The following YES1 variants were observed in gnomAD, a reference collection of about 807,000 sequenced individuals.
The protein encoded by YES1 is YES proto-oncogene 1, Src family tyrosine kinase, also known as tyrosine-protein kinase Yes.
YES1 carries 39 observed loss-of-function variants against 70.4 expected under a neutral mutation model. The observed-to-expected ratio is 0.55, with a 90% CI of 0.43 to 0.72. The LOEUF (loss-of-function observed/expected upper bound fraction) is 0.72, where lower values mean the gene tolerates loss of function less well. Among genes scored for constraint, YES1 ranks in the 30% least tolerant of loss-of-function variants. YES1 has a pLI of 0.00. For missense variants in YES1, 495 were observed against 644.8 expected (o/e 0.77, Z 2.52); for synonymous variants, 198 against 218.6 (o/e 0.91, Z 0.83).
chr18:737,138 C>T (rs2080163356), intron 9 of YES1, 177 bp from the exon 10 acceptor site: 1 of 585,234 alleles, frequency 1.7e-6, no homozygotes, highest in Non-Finnish European at 2.8e-6. Flanking sequence ...AATAAAAATG[C>T]AGGCTAAATT....
At chr18:783,469 A>T (rs190100985) in intron 1 of YES1, among the ~76,000 whole-genome samples, 7 of 152,174 alleles carry the variant, frequency 4.6e-5, no homozygotes, top group African/African-American at 1.7e-4. Context: ...ATGCAATGTT[A>T]TAACAAAATT....
chr18:757,401 G>A (rs1476711403), intron 1 of YES1, among the ~76,000 whole-genome samples: 2 of 151,954 alleles, frequency 1.3e-5, no homozygotes, highest in African/African-American at 4.8e-5. Context: ...TACTCGGGAG[G>A]CTGAGGCAGG....
intron 1 of YES1, among the ~76,000 whole-genome samples, chr18:772,938 A>T (rs1306642500): frequency 6.6e-6 from 1 of 152,202 alleles, no homozygotes; most frequent in Non-Finnish European, 1.5e-5. Flanking sequence ...AAAATAATAT[A>T]AACTGCTATC....
At chr18:804,069 C>T (rs572059357) in intron 1 of YES1, among the ~76,000 whole-genome samples, 1 of 152,292 alleles carries the variant, frequency 6.6e-6, no homozygotes, top group African/African-American at 2.4e-5. Flanking sequence ...AAAAGGCTAA[C>T]CATTTTCCAA....
In YES1 at chr18:779,133, G is replaced by A. The variant is rs1905528626; in HGVS notation, c.-8-22298C>T. ...AGAATATGTAAGGAATTTTATGGAT[G>A]GGGGCAGTGGCTGATCCCAGCAGTT... is the stretch of plus-strand genomic sequence containing the variant. On this transcript the variant is annotated intron_variant, in intron 1 of 11. Coordinates refer to ENST00000314574, the MANE Select transcript of YES1 (RefSeq NM_005433.4). Among the ~76,000 whole-genome samples the A allele has an allele frequency of 2.0e-5, 3 of 152,130 alleles. No individual in the cohort carries two copies. The South Asian group carries it at 6.2e-4, about 32-fold the overall frequency.
intron 1 of YES1, among the ~76,000 whole-genome samples, chr18:774,119 C>T (rs901336590): frequency 4.6e-5 from 7 of 152,188 alleles, no homozygotes; most frequent in South Asian, 4.1e-4. Flanking sequence ...GCTTAAGCCA[C>T]GGCGCCTGGC....
At position 722,219 on chromosome 18, in the gene YES1, A is replaced by C. The variant is rs769045258; in HGVS notation, c.*2205T>G. The C allele has an allele frequency of 6.6e-6, 1 of 152,652 alleles. No individual in the cohort carries two copies. The highest frequency in any genetic ancestry group is 1.5e-5 in the Non-Finnish European group (1 of 68,038). The allele number at this position is 152,652 out of a possible 1,614,324, so 9.5% of individuals were successfully genotyped here. A position where few individuals can be genotyped will look rare whatever the true frequency, so the allele number is the denominator to read the frequency against. On this transcript the variant is annotated 3_prime_UTR_variant, in exon 12 of 12. Transcript: ENST00000314574. Reference sequence around the variant, plus strand: ...AGCCCTTAAAAAATCTCATGTCACAAGTTGTTGATAAGAGGAAATAATGAC... The same window carrying C: ...AGCCCTTAAAAAATCTCATGTCACACGTTGTTGATAAGAGGAAATAATGAC...
At position 739,829 on chromosome 18, in the gene YES1, A is replaced by C; in HGVS notation, c.1061-18T>G. 1 of 1,590,066 alleles carries C rather than the reference A, an allele frequency of 6.3e-7. No individual in the cohort carries two copies. Among genetic ancestry groups the C allele is most frequent in the Non-Finnish European group, 8.6e-7 (1 of 1,165,922 alleles). On this transcript the variant is annotated intron_variant, in intron 8 of 11. Transcript: ENST00000314574. ...TAAGCTTCCTGTAACAGACAGCAAG[A>C]TATTCATAAAAAATAAGCAAATCTT...
At chr18:798,817 TCCTA>T (rs1315177338) in intron 1 of YES1, among the ~76,000 whole-genome samples, 3 of 152,204 alleles carry the variant, frequency 2.0e-5, no homozygotes, top group Non-Finnish European at 2.9e-5. Flanking sequence ...TTCCAATGTT[TCCTA>T]AAGTCTAGTG....
chr18:792,565 ATGTGTG>A (rs71174292), intron 1 of YES1, among the ~76,000 whole-genome samples: 176 of 147,110 alleles, frequency 1.2e-3, no homozygotes, highest in African/African-American at 3.6e-3. Context: ...CCCTCTGTAT[ATGTGTG>A]TGTGTGTGTG....
At chr18:751,858 G>GA in intron 2 of YES1, 54 bp from the exon 3 acceptor site, 3 of 926,456 alleles carry the variant, frequency 3.2e-6, no homozygotes, top group Non-Finnish European at 1.6e-6. Flanking sequence ...TAACAAAACA[G>GA]AAAAAAAGAA....
chr18:781,275 AAAAAAAAAAAAT>A (rs1195079544), intron 1 of YES1, among the ~76,000 whole-genome samples: 1 of 151,692 alleles, frequency 6.6e-6, no homozygotes, highest in Non-Finnish European at 1.5e-5. Context: ...GTCTCAAAAA[AAAAAAAAAAAAT>A]AAGAGGGCCT....
At chr18:809,259 A>C (rs1369871786) in intron 1 of YES1, among the ~76,000 whole-genome samples, 3 of 152,170 alleles carry the variant, frequency 2.0e-5, no homozygotes, top group Non-Finnish European at 4.4e-5. Flanking sequence ...TTTATTTAGA[A>C]ATTTTTTCCC....
chr18:794,527 C>T lies in YES1; in HGVS notation c.-9+17587G>A, dbSNP rs2145822767. 2.0e-5 allele frequency among the ~76,000 whole-genome samples: 3 copies of T among 152,254 alleles called. 1 individual carries two copies. In the Middle Eastern group the frequency reaches 0.01, roughly 518 times the overall value. On this transcript the variant is annotated intron_variant, in intron 1 of 11. Coordinates refer to ENST00000314574, the MANE Select transcript of YES1 (RefSeq NM_005433.4). The stretch of plus-strand genomic sequence containing the variant: ...AACTACTGTATTACTTTCCTTGCCA[C>T]ATTTCCTTTATTGTTCCCTCCTAGG...
At chr18:739,154 T>C (rs2080188977) in intron 9 of YES1, 1 of 152,196 alleles carries the variant, frequency 6.6e-6, no homozygotes, top group African/African-American at 2.4e-5. Flanking sequence ...AGAAACCGTA[T>C]GATACAGGAC....
chr18:724,347 CTTT>C lies in YES1; in HGVS notation c.*74_*76del. The C allele has an allele frequency of 7.4e-7, 1 of 1,352,190 alleles. No homozygotes were observed. The highest frequency in any genetic ancestry group is 1.0e-6 in the Non-Finnish European group (1 of 979,598). 83.8% of individuals were successfully genotyped at this position (1,352,190 alleles called of 1,614,324 possible). ...CATGCAGAGTAAAGAAGATTTTCTT[CTTT>C]TGATTCCTGTAGAAAATCTACACAA... On this transcript the variant is annotated 3_prime_UTR_variant, in exon 12 of 12. Coordinates refer to ENST00000314574, the MANE Select transcript of YES1 (RefSeq NM_005433.4).
intron 1 of YES1, among the ~76,000 whole-genome samples, chr18:792,663 G>A (rs1176970966): frequency 3.3e-5 from 5 of 151,376 alleles, no homozygotes; most frequent in Non-Finnish European, 7.4e-5. Flanking sequence ...GGAGCAGCAG[G>A]AGCAGCAGCA....
intron 1 of YES1, chr18:788,136 G>A (rs973092686): frequency 1.3e-5 from 2 of 152,110 alleles, no homozygotes; most frequent in African/African-American, 2.4e-5. Context: ...TGGCTTTTTG[G>A]AGTGAAATAA....
intron 1 of YES1, among the ~76,000 whole-genome samples, chr18:792,498 C>G (rs188309179): frequency 6.6e-6 from 1 of 151,668 alleles, no homozygotes; most frequent in East Asian, 1.9e-4. Flanking sequence ...TAGCACTATA[C>G]TCCAGCCTCA....
Sources: allele counts gnomAD v4.1 joint callset (sites outside exome capture counted in the v4.1 genomes callset), GRCh38; gene constraint gnomAD v4.1.1; transcripts MANE v1.5; gene names NCBI Gene and HGNC (gene_info 2026-07-23, HGNC 2026-07-21).